PTPRD: variants seen among roughly 807,000 people sequenced by gnomAD.
PTPRD encodes protein tyrosine phosphatase receptor type D.
In PTPRD, 34 loss-of-function variants were observed where a neutral mutation model predicts 214.5. The observed-to-expected ratio is 0.16, with a 90% confidence interval of 0.12 to 0.21. The LOEUF is 0.21. Ranked by LOEUF, PTPRD falls within the 10% of genes least tolerant of loss-of-function variation. The pLI, the probability that PTPRD is intolerant of heterozygous loss-of-function variation, is 1.00. For missense variants in PTPRD, 2,545 were observed against 2,398.7 expected, an observed-to-expected ratio of 1.06 and a Z score of -1.27; for synonymous variants, 1,128 against 845.7, an observed-to-expected ratio of 1.33 and a Z score of -5.79.
At chr9:9,105,261 G>A (rs912978537) in intron 10 of PTPRD, among the ~76,000 whole-genome samples, 9 of 152,152 alleles carry the variant, frequency 5.9e-5, no homozygotes, top group Admixed American at 1.3e-4. Flanking sequence ...GCTCTTCAGT[G>A]CCAACTCAGC....
intron 5 of PTPRD, among the ~76,000 whole-genome samples, chr9:9,871,142 G>A (rs2153712434): frequency 6.6e-6 from 1 of 152,170 alleles, no homozygotes. Flanking sequence ...AAAACTTGAA[G>A]CCTACAAAAA....
chr9:9,632,490 T>C (rs2095624620), intron 7 of PTPRD, among the ~76,000 whole-genome samples: 1 of 152,316 alleles, frequency 6.6e-6, no homozygotes, highest in South Asian at 2.1e-4. Flanking sequence ...GTAGTGGTGA[T>C]GATTGTACAA....
intron 5 of PTPRD, among the ~76,000 whole-genome samples, chr9:9,936,882 A>C (rs1462148300): frequency 6.8e-6 from 1 of 146,248 alleles, no homozygotes; most frequent in Non-Finnish European, 1.5e-5. Context: ...ACACCATGGA[A>C]TACTATGCAG....
chr9:9,173,538 C>G (rs547510184), intron 10 of PTPRD, among the ~76,000 whole-genome samples: 362 of 152,240 alleles, frequency 2.4e-3, no homozygotes, highest in Admixed American at 6.0e-3. Flanking sequence ...GTATAGCCTA[C>G]TACCCACCTA....
chr9:8,428,001 G>T (rs1320048608), intron 35 of PTPRD, among the ~76,000 whole-genome samples: 4 of 152,104 alleles, frequency 2.6e-5, no homozygotes, highest in African/African-American at 9.7e-5. Context: ...TGTTTTTAAT[G>T]ATTGTATGAA....
At chr9:9,830,388 G>C (rs899714126) in intron 5 of PTPRD, among the ~76,000 whole-genome samples, 4 of 151,628 alleles carry the variant, frequency 2.6e-5, no homozygotes, top group African/African-American at 9.7e-5. Flanking sequence ...AAATATACCT[G>C]ATATTTGTTA....
At chr9:8,468,629 C>T (rs1386274079) in intron 31 of PTPRD, among the ~76,000 whole-genome samples, 1 of 151,828 alleles carries the variant, frequency 6.6e-6, no homozygotes, top group East Asian at 1.9e-4. Flanking sequence ...GTGTGGAAAT[C>T]CCCTTAGGCC....
At chr9:8,565,113 A>G (rs1392087687) in intron 14 of PTPRD, among the ~76,000 whole-genome samples, 1 of 152,168 alleles carries the variant, frequency 6.6e-6, no homozygotes, top group Non-Finnish European at 1.5e-5. Flanking sequence ...GTGGCCATGT[A>G]ATCTGCTCCC....
intron 2 of PTPRD, among the ~76,000 whole-genome samples, chr9:10,553,018 C>T (rs1293794199): frequency 6.6e-6 from 1 of 152,118 alleles, no homozygotes; most frequent in African/African-American, 2.4e-5. Flanking sequence ...AAGTGGGACA[C>T]AAGAATTCAG....
chr9:10,118,154 G>C (rs1455074635), intron 3 of PTPRD, among the ~76,000 whole-genome samples: 2 of 151,904 alleles, frequency 1.3e-5, no homozygotes, highest in Non-Finnish European at 2.9e-5. Flanking sequence ...CATTAAATTA[G>C]AGTGTAATTG....
intron 14 of PTPRD, among the ~76,000 whole-genome samples, chr9:8,560,716 G>T (rs533712301): frequency 6.6e-6 from 1 of 152,036 alleles, no homozygotes; most frequent in Non-Finnish European, 1.5e-5. Flanking sequence ...GGTAAACAGT[G>T]GTTTCTCAAA....
chr9:9,700,995 C>A (rs1279141565), intron 7 of PTPRD, among the ~76,000 whole-genome samples: 1 of 151,622 alleles, frequency 6.6e-6, no homozygotes, highest in South Asian at 2.1e-4. Flanking sequence ...GTACTTCATT[C>A]CCCTAGAAGT....
At chr9:9,341,528 C>T (rs1326745696) in intron 9 of PTPRD, among the ~76,000 whole-genome samples, 1 of 152,118 alleles carries the variant, frequency 6.6e-6, no homozygotes, top group Admixed American at 6.6e-5. Context: ...AATAGATGGA[C>T]ATCTGCCAAT....
At chr9:8,442,151 A>G (rs941816117) in intron 34 of PTPRD, among the ~76,000 whole-genome samples, 3 of 152,232 alleles carry the variant, frequency 2.0e-5, no homozygotes, top group African/African-American at 7.2e-5. Flanking sequence ...CCAAGAAAAC[A>G]TGAACTAAAG....
At chr9:9,472,880 C>T (rs1347498266) in intron 8 of PTPRD, among the ~76,000 whole-genome samples, 1 of 152,082 alleles carries the variant, frequency 6.6e-6, no homozygotes, top group Non-Finnish European at 1.5e-5. Flanking sequence ...TTAAGGGATG[C>T]AGTGATATAT....
At chr9:10,058,286 G>C (rs1185010350) in intron 3 of PTPRD, among the ~76,000 whole-genome samples, 1 of 152,056 alleles carries the variant, frequency 6.6e-6, no homozygotes, top group East Asian at 1.9e-4. Flanking sequence ...ACCTAGTAAT[G>C]CCACACCAGA....
chr9:9,704,348 T>C (rs2097558571), intron 7 of PTPRD, among the ~76,000 whole-genome samples: 1 of 152,128 alleles, frequency 6.6e-6, no homozygotes, highest in African/African-American at 2.4e-5. Context: ...GTTAGTAAAA[T>C]TATATCCACT....
chr9:9,293,585 G>C (rs969598464), intron 9 of PTPRD, among the ~76,000 whole-genome samples: 1 of 151,374 alleles, frequency 6.6e-6, no homozygotes, highest in South Asian at 2.1e-4. Flanking sequence ...CTGGTGGTTG[G>C]TTTTAGGCCC....
At chr9:8,978,278 C>T (rs1399132064) in intron 11 of PTPRD, among the ~76,000 whole-genome samples, 3 of 152,042 alleles carry the variant, frequency 2.0e-5, no homozygotes, top group Non-Finnish European at 2.9e-5. Flanking sequence ...CATTCTTCAT[C>T]GCCAACTTAC....
Sources: allele counts gnomAD v4.1 joint callset (sites outside exome capture counted in the v4.1 genomes callset), GRCh38; gene constraint gnomAD v4.1.1; transcripts MANE v1.5; gene names NCBI Gene and HGNC (gene_info 2026-07-23, HGNC 2026-07-21).